Variants in ETV1 observed in about 807,000 individuals in gnomAD.
ETV1 encodes ETS translocation variant 1.
Under a neutral mutation model 62.3 loss-of-function variants are expected in ETV1, and 27 were observed. The observed-to-expected ratio is 0.43, with a 90% confidence interval of 0.32 to 0.60. ETV1 has a LOEUF of 0.60. Ranked by LOEUF, ETV1 falls within the 20% of genes least tolerant of loss-of-function variation. The pLI is 0.06. For missense variants in ETV1, 605 were observed against 605.8 expected (o/e 1.00, Z 0.01); for synonymous variants, 222 against 199.6 (o/e 1.11, Z -0.94).
At chr7:13,920,494 A>C (rs1472649576) in intron 9 of ETV1, among the ~76,000 whole-genome samples, 1 of 151,504 alleles carries the variant, frequency 6.6e-6, no homozygotes, top group East Asian at 1.9e-4. Flanking sequence ...CATTTTATGA[A>C]TGAAACTCCA....
intron 9 of ETV1, among the ~76,000 whole-genome samples, chr7:13,919,888 C>G (rs1784631749): frequency 6.6e-6 from 1 of 151,870 alleles, no homozygotes; most frequent in African/African-American, 2.4e-5. Context: ...AAGACACACA[C>G]ACAGAGAGAG....
At chr7:13,910,147 TCTTA>T (rs1393321930) in intron 10 of ETV1, among the ~76,000 whole-genome samples, 1 of 151,562 alleles carries the variant, frequency 6.6e-6, no homozygotes, top group African/African-American at 2.4e-5. Context: ...TATTTTATCC[TCTTA>T]CTTTCTTGTA....
chr7:13,895,689 T>G lies in ETV1; in HGVS notation c.*177A>C, dbSNP rs1165515009. 1.2e-5 allele frequency: 7 copies of G among 585,008 alleles called. No individual in the cohort carries two copies. The highest frequency in any genetic ancestry group is 9.3e-5 in the African/African-American group (5 of 53,754). The allele number at this position is 585,008 out of a possible 1,614,324, so 36.2% of individuals were successfully genotyped here. ...TAGATTACTCCCACCCACCCTCAAA[T>G]AAAGTGCACAGTCCATGGCAGACCA... On this transcript the variant is annotated 3_prime_UTR_variant, in exon 14 of 14. Transcript: ENST00000430479.
intron 9 of ETV1, among the ~76,000 whole-genome samples, chr7:13,925,256 A>T (rs183664314): frequency 1.9e-4 from 29 of 152,310 alleles, no homozygotes; most frequent in African/African-American, 7.0e-4. Flanking sequence ...ATAGGTCTTC[A>T]GGGCTAAAAA....
intron 13 of ETV1, among the ~76,000 whole-genome samples, chr7:13,898,213 T>C (rs1782041728): frequency 6.6e-6 from 1 of 152,178 alleles, no homozygotes; most frequent in Admixed American, 6.5e-5. Flanking sequence ...ACATTAAGTA[T>C]AGCCAAAATG....
Position 13,904,893 on chromosome 7 carries a change from A to C in ETV1, c.1110+1537T>G, listed in dbSNP as rs143831832. On this transcript the variant is annotated intron_variant, in intron 12 of 13. Transcript: ENST00000430479. ...ATGTGAGAGTATCTATGAAAAAACT[A>C]ATCTTCTTTGACAGCTAAGTTAATT... Among the ~76,000 whole-genome samples the C allele has an allele frequency of 1.7e-3, 253 of 150,614 alleles. 2 individuals carry two copies. The highest frequency in any genetic ancestry group is 6.0e-3 in the African/African-American group (244 of 40,878).
At chr7:13,938,227 G>A (rs1310684088) in intron 7 of ETV1, among the ~76,000 whole-genome samples, 1 of 152,214 alleles carries the variant, frequency 6.6e-6, no homozygotes, top group Non-Finnish European at 1.5e-5. Context: ...TTATAGGCAT[G>A]AGCCACTGCG....
At chr7:13,912,665 T>C (rs998667035) in intron 9 of ETV1, among the ~76,000 whole-genome samples, 1 of 152,332 alleles carries the variant, frequency 6.6e-6, no homozygotes, top group East Asian at 1.9e-4. Context: ...TATACTCTAG[T>C]GTAAATAAAA....
intron 12 of ETV1, chr7:13,906,080 C>T (rs770244549): frequency 8.6e-5 from 15 of 173,984 alleles, no homozygotes; most frequent in South Asian, 2.0e-4. Context: ...TTGCAGACAT[C>T]GTTCCTCTCT....
At chr7:13,949,614 G>C (rs1448278233) in intron 6 of ETV1, among the ~76,000 whole-genome samples, 3 of 151,938 alleles carry the variant, frequency 2.0e-5, no homozygotes, top group African/African-American at 7.3e-5. Context: ...ATTACTAAAG[G>C]GCCTAATCTC....
At chr7:13,906,808 T>C (rs1003071641) in intron 11 of ETV1, among the ~76,000 whole-genome samples, 2 of 152,190 alleles carry the variant, frequency 1.3e-5, no homozygotes, top group Non-Finnish European at 2.9e-5. Context: ...CAGATAACTA[T>C]ATATAACACA....
At chr7:13,950,634 A>G (rs1399383204) in intron 6 of ETV1, among the ~76,000 whole-genome samples, 1 of 152,088 alleles carries the variant, frequency 6.6e-6, no homozygotes, top group Non-Finnish European at 1.5e-5. Flanking sequence ...ATTGGAGAAT[A>G]CCATAACATC....
At position 13,965,930 on chromosome 7, in the gene ETV1, C is replaced by A. The variant is rs556872491; in HGVS notation, c.235+11497G>T. ...CTAAATACCCAAGAAACTATTCATT[C>A]AATTCAGTATTCAATGAATACCTCA... On this transcript the variant is annotated intron_variant, in intron 6 of 13. Coordinates refer to ENST00000430479, the MANE Select transcript of ETV1 (RefSeq NM_004956.5). Among the ~76,000 whole-genome samples, 3 of 152,224 alleles carry A rather than the reference C, an allele frequency of 2.0e-5. No homozygotes were observed. In the South Asian group the frequency reaches 6.2e-4, roughly 32 times the overall value.
chr7:13,927,987 G>C (rs1785625008), intron 9 of ETV1, among the ~76,000 whole-genome samples: 1 of 152,138 alleles, frequency 6.6e-6, no homozygotes, highest in East Asian at 1.9e-4. Flanking sequence ...AATTTTACAA[G>C]TAATCTGCAA....
At chr7:13,921,331 A>T (rs1181028131) in intron 9 of ETV1, among the ~76,000 whole-genome samples, 1 of 152,222 alleles carries the variant, frequency 6.6e-6, no homozygotes, top group Non-Finnish European at 1.5e-5. Flanking sequence ...AATATTTAAA[A>T]ATATCCAGAG....
intron 3 of ETV1, chr7:13,988,553 CCCCACCCCCACA>C: frequency 2.9e-6 from 2 of 699,168 alleles, no homozygotes; most frequent in Non-Finnish European, 4.1e-6. Context: ...CTCCTCCCCA[CCCCACCCCCACA>C]AAAAAAAAAA....
At chr7:13,907,469 T>TG (rs1340132764) in intron 11 of ETV1, among the ~76,000 whole-genome samples, 4 of 152,132 alleles carry the variant, frequency 2.6e-5, no homozygotes, top group Non-Finnish European at 4.4e-5. Flanking sequence ...TAAAAATCTG[T>TG]TAAATAGAGC....
intron 6 of ETV1, among the ~76,000 whole-genome samples, chr7:13,940,092 G>A (rs559862856): frequency 1.3e-5 from 2 of 152,328 alleles, no homozygotes; most frequent in Admixed American, 6.5e-5. Context: ...GCCGGGCGCC[G>A]TGGCTCACGC....
At chr7:13,922,922 T>A (rs1399887336) in intron 9 of ETV1, among the ~76,000 whole-genome samples, 2 of 152,216 alleles carry the variant, frequency 1.3e-5, no homozygotes, top group African/African-American at 4.8e-5. Flanking sequence ...CTAGAACACG[T>A]ATCTCATCTT....
Sources: allele counts gnomAD v4.1 joint callset (sites outside exome capture counted in the v4.1 genomes callset), GRCh38; gene constraint gnomAD v4.1.1; transcripts MANE v1.5; gene names NCBI Gene and HGNC (gene_info 2026-07-23, HGNC 2026-07-21).